Variants in MOGAT1 observed in about 807,000 individuals in gnomAD.
MOGAT1 encodes 2-acylglycerol O-acyltransferase 1.
Under a neutral mutation model 31.4 loss-of-function variants are expected in MOGAT1, and 32 were observed. The observed-to-expected ratio is 1.02, with a 90% CI of 0.77 to 1.37. The LOEUF (loss-of-function observed/expected upper bound fraction) is 1.37, where lower values mean the gene tolerates loss of function less well. Among genes scored for constraint, MOGAT1 ranks in the 40% most tolerant of loss-of-function variants. The probability of loss-of-function intolerance (pLI) is 0.00; values close to 1 mark genes in which losing one functional copy is unlikely to be tolerated. For missense variants in MOGAT1, 426 were observed against 402.0 expected, an observed-to-expected ratio of 1.06 and a Z score of -0.51; for synonymous variants, 145 against 144.5, an observed-to-expected ratio of 1.00 and a Z score of -0.03.
intron 5 of MOGAT1, among the ~76,000 whole-genome samples, chr2:222,703,557 T>C (rs1692960428): frequency 1.3e-5 from 2 of 152,164 alleles, no homozygotes; most frequent in African/African-American, 4.8e-5. Context: ...TGAGTGTGTC[T>C]GTGTGTGGAT....
At chr2:222,690,571 G>A (rs116232037) in intron 3 of MOGAT1, among the ~76,000 whole-genome samples, 5,108 of 151,664 alleles carry the variant, frequency 0.034, 92 homozygotes, top group African/African-American at 0.04. Flanking sequence ...AAGAAAGAAA[G>A]AAAAAAAAGA....
chr2:222,678,457 G>A (rs945636742), intron 1 of MOGAT1, among the ~76,000 whole-genome samples: 2 of 152,168 alleles, frequency 1.3e-5, no homozygotes, highest in East Asian at 3.8e-4. Context: ...TGAGTTTTGA[G>A]AGTTCTTGTG....
chr2:222,675,911 G>A (rs1401776289), intron 1 of MOGAT1, among the ~76,000 whole-genome samples: 1 of 152,010 alleles, frequency 6.6e-6, no homozygotes, highest in East Asian at 1.9e-4. Context: ...TTCAAGTAAG[G>A]AGTTGATACA....
chr2:222,701,911 A>G (rs1692935689), intron 5 of MOGAT1, among the ~76,000 whole-genome samples: 2 of 152,214 alleles, frequency 1.3e-5, no homozygotes, highest in African/African-American at 4.8e-5. Flanking sequence ...AGAGTTTACA[A>G]CTATGAAAGA....
chr2:222,707,896 C>T (rs1271509288), intron 5 of MOGAT1, among the ~76,000 whole-genome samples: 1 of 152,156 alleles, frequency 6.6e-6, no homozygotes, highest in East Asian at 1.9e-4. Flanking sequence ...ACCACCTACT[C>T]TTACTGACAT....
At chr2:222,706,981 A>G (rs965936770) in intron 5 of MOGAT1, among the ~76,000 whole-genome samples, 2 of 152,152 alleles carry the variant, frequency 1.3e-5, no homozygotes, top group Admixed American at 1.3e-4. Context: ...ACTTGGAGCC[A>G]GAAGTTTGAA....
At chr2:222,688,141 G>A (rs1392195533) in intron 1 of MOGAT1, among the ~76,000 whole-genome samples, 1 of 152,122 alleles carries the variant, frequency 6.6e-6, no homozygotes, top group Admixed American at 6.6e-5. Context: ...TACCTTGGCA[G>A]GGTCCATAAC....
chr2:222,680,322 G>A (rs1441483907), intron 1 of MOGAT1, among the ~76,000 whole-genome samples: 2 of 152,102 alleles, frequency 1.3e-5, no homozygotes, highest in African/African-American at 4.8e-5. Context: ...TTAGAACATG[G>A]GGCTGGTTTC....
Position 222,704,618 on chromosome 2 carries a change from C to T in MOGAT1, c.854-5118C>T, listed in dbSNP as rs373714746. Among the ~76,000 whole-genome samples the T allele has an allele frequency of 4.0e-4, 60 of 151,242 alleles. No homozygotes were observed. The East Asian group carries it at 0.011, about 28-fold the overall frequency. On this transcript the variant is annotated intron_variant, in intron 5 of 5. Coordinates refer to ENST00000446656, the MANE Select transcript of MOGAT1 (RefSeq NM_058165.3). ...CAGCCTGGGCGACAAAGCGAGACTC[C>T]GTCTCCAGAAAAAAAAAAAAAGAGT...
rs1312853371 is a variant in MOGAT1 at position 222,671,797 on chromosome 2, G to A, written c.12G>A (p.Glu4=). The A allele has an allele frequency of 6.4e-7, 1 of 1,552,656 alleles. No homozygotes were observed. Among genetic ancestry groups the A allele is most frequent in the East Asian group, 2.4e-5 (1 of 40,960 alleles). ...CGCCCGGCCAGGCCATGAAGGTAGA[G>A]TTTGCACCGCTCAACATCCAGCTGG... MKV[E]FAPLNIQLAR... Residue 4 remains glutamate, a synonymous_variant, in exon 1 of 6, where the codon GAG becomes GAA. Coordinates refer to ENST00000446656, the MANE Select transcript of MOGAT1 (RefSeq NM_058165.3).
intron 1 of MOGAT1, among the ~76,000 whole-genome samples, chr2:222,684,442 T>C (rs748216816): frequency 6.6e-6 from 1 of 152,094 alleles, no homozygotes; most frequent in Non-Finnish European, 1.5e-5. Context: ...AAAACTATTG[T>C]GATGCTCTTT....
At chr2:222,673,331 CA>C (rs57706625) in intron 1 of MOGAT1, among the ~76,000 whole-genome samples, 38 of 102,218 alleles carry the variant, frequency 3.7e-4, no homozygotes, top group South Asian at 1.7e-3. Flanking sequence ...TAGAATTTAC[CA>C]AAAAAAAAAA....
chr2:222,693,872 G>T (rs1473052023), intron 3 of MOGAT1, among the ~76,000 whole-genome samples: 1 of 152,096 alleles, frequency 6.6e-6, no homozygotes, highest in Non-Finnish European at 1.5e-5. Flanking sequence ...GGAAAATAAT[G>T]ATCCATATAG....
At chr2:222,706,933 G>A (rs1434661879) in intron 5 of MOGAT1, among the ~76,000 whole-genome samples, 1 of 152,110 alleles carries the variant, frequency 6.6e-6, no homozygotes, top group Non-Finnish European at 1.5e-5. Flanking sequence ...GGTGGCTCAC[G>A]CCGACCTAGC....
At chr2:222,684,689 G>A (rs1241736703) in intron 1 of MOGAT1, among the ~76,000 whole-genome samples, 1 of 151,888 alleles carries the variant, frequency 6.6e-6, no homozygotes, top group Non-Finnish European at 1.5e-5. Flanking sequence ...CAATTCTCCT[G>A]CCTCAGCCTC....
chr2:222,677,134 C>A (rs1360736147), intron 1 of MOGAT1, among the ~76,000 whole-genome samples: 1 of 152,102 alleles, frequency 6.6e-6, no homozygotes, highest in Non-Finnish European at 1.5e-5. Context: ...GTGGGTACAA[C>A]CAAAACCAGA....
intron 1 of MOGAT1, among the ~76,000 whole-genome samples, chr2:222,687,179 GT>G (rs1692688329): frequency 7.0e-6 from 1 of 142,382 alleles, no homozygotes; most frequent in African/African-American, 2.6e-5. Context: ...TATAAATGTT[GT>G]TTTTGGTAAA....
chr2:222,705,686 T>C lies in MOGAT1; in HGVS notation c.854-4050T>C, dbSNP rs145514862. Among the ~76,000 whole-genome samples, 200 of 152,294 alleles carry C rather than the reference T, an allele frequency of 1.3e-3. 1 individual carries two copies. The highest frequency in any genetic ancestry group is 4.5e-3 in the African/African-American group (188 of 41,566). Reference sequence around the variant, plus strand: ...GCCTTCTTGTGCCCATTGTTCTCATTTGTAAAACAGGGACAATAATGGCTG... The same window carrying C: ...GCCTTCTTGTGCCCATTGTTCTCATCTGTAAAACAGGGACAATAATGGCTG... On this transcript the variant is annotated intron_variant, in intron 5 of 5. Coordinates refer to ENST00000446656, the MANE Select transcript of MOGAT1 (RefSeq NM_058165.3).
chr2:222,694,568 A>G (rs375458736), intron 4 of MOGAT1, 32 bp downstream of exon 4: 119 of 1,596,608 alleles, frequency 7.5e-5, no homozygotes, highest in Non-Finnish European at 9.7e-5. Flanking sequence ...GTAGGGGGTC[A>G]GAAAAGTTAA....
Sources: allele counts gnomAD v4.1 joint callset (sites outside exome capture counted in the v4.1 genomes callset), GRCh38; gene constraint gnomAD v4.1.1; transcripts MANE v1.5; gene names NCBI Gene and HGNC (gene_info 2026-07-23, HGNC 2026-07-21).